FAM120A: variants seen among roughly 807,000 people sequenced by gnomAD.
The protein encoded by FAM120A is family with sequence similarity 120 member A, also known as constitutive coactivator of PPAR-gamma-like protein 1.
A neutral mutation model predicts 109.7 loss-of-function variants in FAM120A; 15 were observed. The observed-to-expected ratio is 0.14, with a 90% CI of 0.09 to 0.21. FAM120A has a LOEUF of 0.21. Ranked by LOEUF, FAM120A falls within the 10% of genes least tolerant of loss-of-function variation. The probability of loss-of-function intolerance (pLI) is 1.00; values close to 1 mark genes in which losing one functional copy is unlikely to be tolerated. For synonymous variants in FAM120A, 493 were observed against 572.8 expected (o/e 0.86, Z 1.99); for missense variants, 899 against 1,439.3 (o/e 0.62, Z 6.07).
intron 3 of FAM120A, among the ~76,000 whole-genome samples, chr9:93,484,718 C>T (rs556263246): frequency 2.8e-4 from 43 of 152,228 alleles, no homozygotes; most frequent in Non-Finnish European, 3.5e-4. Flanking sequence ...GGACTACAGG[C>T]GTGTGCCACC....
rs1388972896 is a variant in FAM120A, at chr9:93,562,288, A to G, written c.3029A>G (p.Asn1010Ser). The G allele has an allele frequency of 3.1e-6, 5 of 1,613,958 alleles. No individual in the cohort carries two copies. Among genetic ancestry groups the G allele is most frequent in the Admixed American group, 3.3e-5 (2 of 60,012 alleles). ...AGGTACTATGGCAGAGGTTACAAAA[A>G]CCAGGCAGCAATTCAGGTAAGAAGA... ...GGRYYGRGYK[N>S]QAAIQGRPPY... Residue 1010 changes from asparagine (N) to serine (S), a missense_variant, in exon 17 of 18, where the codon AAC (asparagine) becomes AGC (serine). Physicochemically the swap from Asn to Ser is conservative, Grantham distance 46. Coordinates refer to ENST00000277165, the MANE Select transcript of FAM120A (RefSeq NM_014612.5).
intron 7 of FAM120A, among the ~76,000 whole-genome samples, chr9:93,523,978 G>A (rs868386811): frequency 3.9e-5 from 6 of 152,194 alleles, no homozygotes; most frequent in Non-Finnish European, 7.3e-5. Context: ...GGGCCAGGCC[G>A]TGCAGGAGAA....
In FAM120A at chr9:93,532,131, T is replaced by C; in HGVS notation, c.1735-24T>C. The C allele has an allele frequency of 6.2e-7, 1 of 1,608,082 alleles. No individual in the cohort carries two copies. The highest frequency in any genetic ancestry group is 1.1e-5 in the South Asian group (1 of 90,546). Reference sequence around the variant, plus strand: ...ATTCAACATGAAAAATGTGCAATGTTATTCTGCTTTCTTCCATGCAAAGGG... The same window carrying C: ...ATTCAACATGAAAAATGTGCAATGTCATTCTGCTTTCTTCCATGCAAAGGG... On this transcript the variant is annotated intron_variant, in intron 9 of 17. Coordinates refer to ENST00000277165, the MANE Select transcript of FAM120A (RefSeq NM_014612.5). The surrounding 1 kb of genome is among the most constrained non-coding windows in gnomAD (Gnocchi z 4.3).
chr9:93,512,527 A>G (rs1264133117), intron 5 of FAM120A, among the ~76,000 whole-genome samples: 3 of 147,112 alleles, frequency 2.0e-5, no homozygotes, highest in East Asian at 2.0e-4. Context: ...TCTTGTCTTC[A>G]GTCTGCATAT....
intron 1 of FAM120A, chr9:93,453,685 C>G: frequency 1.1e-6 from 1 of 941,552 alleles, no homozygotes; most frequent in Non-Finnish European, 1.3e-6. Flanking sequence ...GCCCCTGCGC[C>G]TGGCAGACAC....
chr9:93,564,651 A>AT lies in FAM120A; in HGVS notation c.*112dup, dbSNP rs1451129182. On this transcript the variant is annotated 3_prime_UTR_variant, in exon 18 of 18. Transcript: ENST00000277165. Reference sequence around the variant, plus strand: ...ATTTTGTCCTTTCCGTAAGAGAAAAATGAGGACTTTGGAAATTCAGATCCC... The same window carrying AT: ...ATTTTGTCCTTTCCGTAAGAGAAAAATTGAGGACTTTGGAAATTCAGATCCC... 7 of 870,180 alleles carry AT rather than the reference A, an allele frequency of 8.0e-6. No homozygotes were observed. Among genetic ancestry groups the AT allele is most frequent in the Non-Finnish European group, 1.2e-5 (7 of 592,186 alleles). 53.9% of individuals were successfully genotyped at this position (870,180 alleles called of 1,614,324 possible).
At position 93,532,622 on chromosome 9, in the gene FAM120A, ACT is replaced by A; in HGVS notation, c.1909+298_1909+299del. The A allele has an allele frequency of 2.7e-6, 1 of 363,984 alleles. No homozygotes were observed. The highest frequency in any genetic ancestry group is 5.2e-6 in the Non-Finnish European group (1 of 193,094). The allele number at this position is 363,984 out of a possible 1,614,324, so 22.5% of individuals were successfully genotyped here. On this transcript the variant is annotated intron_variant, in intron 10 of 17. Coordinates refer to ENST00000277165, the MANE Select transcript of FAM120A (RefSeq NM_014612.5). The surrounding 1 kb of genome is among the most constrained non-coding windows in gnomAD (Gnocchi z 4.3). ...CTGAAAGCAGACTTGAATTGCCGCC[ACT>A]CTCTGTAATTACCACGTCTTGGTAA...
At chr9:93,519,731 G>A (rs1307008743) in intron 7 of FAM120A, among the ~76,000 whole-genome samples, 1 of 152,050 alleles carries the variant, frequency 6.6e-6, no homozygotes, top group African/African-American at 2.4e-5. Context: ...CAAAATAAAT[G>A]GCCTAGTTTC....
At chr9:93,523,185 AT>A (rs554449802) in intron 7 of FAM120A, 144 of 429,708 alleles carry the variant, frequency 3.4e-4, no homozygotes, top group African/African-American at 2.8e-3. Flanking sequence ...AAAGAATTTT[AT>A]TTGGCTCCCT....
At chr9:93,481,094 A>G (rs1184675944) in intron 3 of FAM120A, among the ~76,000 whole-genome samples, 4 of 152,336 alleles carry the variant, frequency 2.6e-5, no homozygotes, top group African/African-American at 7.2e-5. Flanking sequence ...CTGCCTGGAC[A>G]TAAGGTTTAG....
chr9:93,490,977 A>G (rs1246151525), intron 3 of FAM120A, among the ~76,000 whole-genome samples: 1 of 152,182 alleles, frequency 6.6e-6, no homozygotes, highest in Non-Finnish European at 1.5e-5. Context: ...AGTATGTAGT[A>G]TGGGTGCCAG....
chr9:93,535,895 T>A (rs1861496629), intron 10 of FAM120A, among the ~76,000 whole-genome samples: 1 of 152,248 alleles, frequency 6.6e-6, no homozygotes, highest in Non-Finnish European at 1.5e-5. Flanking sequence ...GAACATTGCA[T>A]GCATTAAAAT....
At chr9:93,519,366 T>C (rs10992770) in intron 7 of FAM120A, among the ~76,000 whole-genome samples, 42,405 of 151,952 alleles carry the variant, frequency 0.28, 6,991 homozygotes, top group East Asian at 0.42. Context: ...CCCAGCCTCC[T>C]GACTAGCTAG....
chr9:93,559,124 C>G (rs1862391988), intron 15 of FAM120A, among the ~76,000 whole-genome samples: 1 of 152,226 alleles, frequency 6.6e-6, no homozygotes, highest in South Asian at 2.1e-4. Flanking sequence ...CATAAAAAGT[C>G]TGTCACAGTT....
At chr9:93,489,099 G>A (rs1554775968) in intron 3 of FAM120A, among the ~76,000 whole-genome samples, 1 of 151,610 alleles carries the variant, frequency 6.6e-6, no homozygotes, top group Middle Eastern at 3.4e-3. Flanking sequence ...GGAATTCACC[G>A]TCTACCATCT....
At chr9:93,529,726 TTGAA>T (rs1564347409) in intron 9 of FAM120A, 146 bp downstream of exon 9, 4 of 729,192 alleles carry the variant, frequency 5.5e-6, no homozygotes, top group Middle Eastern at 2.5e-4. Flanking sequence ...TTTCTAAACA[TTGAA>T]TGAAAGATGA....
chr9:93,514,144 C>T (rs760404446), intron 5 of FAM120A, among the ~76,000 whole-genome samples: 1 of 152,196 alleles, frequency 6.6e-6, no homozygotes, highest in Non-Finnish European at 1.5e-5. Context: ...ACCTTCTTAA[C>T]AAGGCAGCGG....
At chr9:93,538,429 A>G (rs1245141033) in intron 10 of FAM120A, among the ~76,000 whole-genome samples, 1 of 152,180 alleles carries the variant, frequency 6.6e-6, no homozygotes, top group Non-Finnish European at 1.5e-5. Flanking sequence ...TTCTCTCCTG[A>G]TATAAATGAA....
intron 17 of FAM120A, among the ~76,000 whole-genome samples, chr9:93,563,318 G>A (rs1862537382): frequency 6.6e-6 from 1 of 152,226 alleles, no homozygotes; most frequent in African/African-American, 2.4e-5. Flanking sequence ...CTGTTTGAAG[G>A]TGAAAAACAT....
Sources: gnomAD v4.1 joint callset for allele counts (sites outside exome capture counted in the v4.1 genomes callset) on GRCh38, gnomAD v4.1.1 for gene constraint, Gnocchi (gnomAD v3.1) non-coding constraint, MANE v1.5 for transcripts, NCBI Gene and HGNC (gene_info 2026-07-23, HGNC 2026-07-21) for gene names.